CNTNAP2: variants seen among roughly 807,000 people sequenced by gnomAD.
CNTNAP2 encodes contactin-associated protein-like 2.
Under a neutral mutation model 155.2 loss-of-function variants are expected in CNTNAP2, and 98 were observed. The observed-to-expected ratio is 0.63, with a 90% confidence interval of 0.54 to 0.75. The LOEUF is 0.75. Among genes scored for constraint, CNTNAP2 ranks in the 30% least tolerant of loss-of-function variants. The pLI, the probability that CNTNAP2 is intolerant of heterozygous loss-of-function variation, is 0.00. For synonymous variants in CNTNAP2, 651 were observed against 631.2 expected (o/e 1.03, Z -0.47); for missense variants, 1,727 against 1,688.1 (o/e 1.02, Z -0.40).
chr7:146,899,975 AAT>A (rs2129213381), intron 3 of CNTNAP2, among the ~76,000 whole-genome samples: 2 of 152,332 alleles, frequency 1.3e-5, no homozygotes, highest in East Asian at 3.9e-4. Context: ...AGAAGTAAGC[AAT>A]AGTTTGAGAC....
intron 13 of CNTNAP2, among the ~76,000 whole-genome samples, chr7:147,738,597 C>T (rs1480014002): frequency 6.7e-6 from 1 of 150,138 alleles, no homozygotes; most frequent in Non-Finnish European, 1.5e-5. Flanking sequence ...TGTACATTTT[C>T]TTGGTCATAA....
chr7:146,791,426 A>G (rs1802672041), intron 2 of CNTNAP2, among the ~76,000 whole-genome samples: 1 of 152,178 alleles, frequency 6.6e-6, no homozygotes, highest in Admixed American at 6.5e-5. Flanking sequence ...TTTATAGTAG[A>G]ATGATTTATA....
intron 10 of CNTNAP2, among the ~76,000 whole-genome samples, chr7:147,454,306 A>G (rs1002187979): frequency 6.6e-6 from 1 of 152,026 alleles, no homozygotes; most frequent in South Asian, 2.1e-4. Flanking sequence ...TTGCAATAGG[A>G]CGTCGAGTTT....
chr7:146,399,733 A>G (rs760747532), intron 1 of CNTNAP2, among the ~76,000 whole-genome samples: 12 of 152,068 alleles, frequency 7.9e-5, no homozygotes, highest in Non-Finnish European at 1.6e-4. Context: ...TTAATTTTTT[A>G]TGACTCCATA....
intron 8 of CNTNAP2, among the ~76,000 whole-genome samples, chr7:147,255,428 A>G (rs201396191): frequency 6.6e-6 from 1 of 151,982 alleles, no homozygotes; most frequent in Non-Finnish European, 1.5e-5. Context: ...CACCATGTTG[A>G]CCAGGCTGGT....
In CNTNAP2 at chr7:147,860,856, C is replaced by T. The variant is rs367970064; in HGVS notation, c.2099-42709C>T. 1.3e-4 allele frequency among the ~76,000 whole-genome samples: 20 copies of T among 152,134 alleles called. No homozygotes were observed. The East Asian group carries it at 1.3e-3, about 10-fold the overall frequency. The stretch of plus-strand genomic sequence containing the variant: ...ATACAGGGTTCATATATTGTCCAGC[C>T]TGAATTAAAGTGCTATGTGTTATCT... On this transcript the variant is annotated intron_variant, in intron 13 of 23. Transcript: ENST00000361727.
chr7:147,711,812 C>A (rs938409824), intron 13 of CNTNAP2, among the ~76,000 whole-genome samples: 4 of 152,284 alleles, frequency 2.6e-5, no homozygotes, highest in African/African-American at 9.6e-5. Context: ...ACTGTACTGA[C>A]TTCTCTCTTC....
At chr7:147,299,887 C>T (rs769618536) in intron 8 of CNTNAP2, among the ~76,000 whole-genome samples, 1 of 152,040 alleles carries the variant, frequency 6.6e-6, no homozygotes, top group East Asian at 1.9e-4. Context: ...CATTTCTTTC[C>T]CTAAGTACAC....
rs949816438 is a variant in CNTNAP2 at position 146,246,237 on chromosome 7, G to T, written c.97+129264G>T. The stretch of plus-strand genomic sequence containing the variant: ...GTATCTTATACTTGTGGGTTAAGGT[G>T]GGGTAATACAAGAGGAGGACGCAAA... On this transcript the variant is annotated intron_variant, in intron 1 of 23. Coordinates refer to ENST00000361727, the MANE Select transcript of CNTNAP2 (RefSeq NM_014141.6). 5.3e-5 allele frequency among the ~76,000 whole-genome samples: 8 copies of T among 149,562 alleles called. No individual in the cohort carries two copies. The South Asian group carries it at 1.1e-3, about 20-fold the overall frequency.
intron 3 of CNTNAP2, among the ~76,000 whole-genome samples, chr7:147,034,763 C>T (rs2129251561): frequency 6.6e-6 from 1 of 152,250 alleles, no homozygotes; most frequent in East Asian, 1.9e-4. Context: ...CTGCCAGACT[C>T]TCCTCCAGCG....
chr7:147,839,689 C>CA (rs1200438049), intron 13 of CNTNAP2, among the ~76,000 whole-genome samples: 1 of 152,110 alleles, frequency 6.6e-6, no homozygotes, highest in Non-Finnish European at 1.5e-5. Flanking sequence ...GAAGATTTCT[C>CA]AATGAACTGA....
intron 8 of CNTNAP2, among the ~76,000 whole-genome samples, chr7:147,228,485 T>A (rs1441279886): frequency 6.6e-6 from 1 of 152,134 alleles, no homozygotes; most frequent in Admixed American, 6.5e-5. Context: ...ATTAATCTTG[T>A]TAAAAGAGGG....
At chr7:147,110,239 A>T (rs192626859) in intron 5 of CNTNAP2, among the ~76,000 whole-genome samples, 3 of 152,278 alleles carry the variant, frequency 2.0e-5, no homozygotes, top group African/African-American at 7.2e-5. Context: ...TTTTAAATGG[A>T]CAAGACCAAT....
At chr7:148,083,942 T>G (rs1803668246) in intron 15 of CNTNAP2, among the ~76,000 whole-genome samples, 1 of 152,232 alleles carries the variant, frequency 6.6e-6, no homozygotes, top group African/African-American at 2.4e-5. Context: ...CCTTACCATT[T>G]AAGCCAGTGC....
At chr7:147,004,713 A>G (rs1401061700) in intron 3 of CNTNAP2, among the ~76,000 whole-genome samples, 1 of 152,052 alleles carries the variant, frequency 6.6e-6, no homozygotes, top group African/African-American at 2.4e-5. Flanking sequence ...TCTTAGTTTA[A>G]TTCACATATA....
At position 147,677,557 on chromosome 7, in the gene CNTNAP2, C is replaced by T. The variant is rs565376492; in HGVS notation, c.2098+38251C>T. On this transcript the variant is annotated intron_variant, in intron 13 of 23. Transcript: ENST00000361727. ...ATTTGTCTATCTTTGCTTTTGTCGC[C>T]TGTGCTTTTGAAGTTATATCCAAAA... is the stretch of plus-strand genomic sequence containing the variant. 7.9e-4 allele frequency among the ~76,000 whole-genome samples: 120 copies of T among 151,752 alleles called. 1 individual carries two copies. The highest frequency in any genetic ancestry group is 2.8e-3 in the African/African-American group (117 of 41,462).
At chr7:148,310,719 T>C (rs1797580983) in intron 21 of CNTNAP2, among the ~76,000 whole-genome samples, 1 of 152,096 alleles carries the variant, frequency 6.6e-6, no homozygotes, top group South Asian at 2.1e-4. Context: ...CGAAGAGACC[T>C]TGTGCGAGGC....
intron 9 of CNTNAP2, among the ~76,000 whole-genome samples, chr7:147,386,462 A>T (rs12536336): frequency 3.9e-5 from 6 of 152,002 alleles, no homozygotes; most frequent in Admixed American, 1.3e-4. Context: ...CTGCTTAGAA[A>T]TTGCTTCTGC....
At chr7:146,980,194 G>A (rs1219982830) in intron 3 of CNTNAP2, among the ~76,000 whole-genome samples, 1 of 151,938 alleles carries the variant, frequency 6.6e-6, no homozygotes, top group Non-Finnish European at 1.5e-5. Context: ...AGGGGGATGT[G>A]GTAATGTTGG....
Sources: allele counts gnomAD v4.1 joint callset (sites outside exome capture counted in the v4.1 genomes callset), GRCh38; gene constraint gnomAD v4.1.1; transcripts MANE v1.5; gene names NCBI Gene and HGNC (gene_info 2026-07-23, HGNC 2026-07-21).